Variants in CRYBG1 observed in about 807,000 individuals in gnomAD.
The protein encoded by CRYBG1 is crystallin beta-gamma domain containing 1.
CRYBG1 carries 139 observed loss-of-function variants against 189.2 expected under a neutral mutation model. The ratio of observed to expected loss-of-function variants is 0.73; its 90% confidence interval spans 0.64 to 0.85. The LOEUF (loss-of-function observed/expected upper bound fraction) is 0.85, where lower values mean the gene tolerates loss of function less well. CRYBG1 is among the 40% of genes least tolerant of loss of function. The pLI is 0.00. For synonymous variants in CRYBG1, 1,023 were observed against 1,017.1 expected, an observed-to-expected ratio of 1.01 and a Z score of -0.11; for missense variants, 2,611 against 2,675.8, an observed-to-expected ratio of 0.98 and a Z score of 0.53.
chr6:106,512,211 G>T lies in CRYBG1; in HGVS notation c.1094G>T (p.Arg365Leu). ...ASSAQADCTA[R>L]PKGHAHPAKV... is the part of the protein sequence containing the mutation. ...TCCGCGCAGGCAGACTGCACAGCCC[G>T]CCCCAAGGGTCACGCCCACCCTGCT... The change falls in exon 3 of 22, where the codon CGC becomes CTC. Residue 365 changes from arginine to leucine, a missense_variant. Coordinates refer to ENST00000633556, the MANE Select transcript of CRYBG1 (RefSeq NM_001371242.2). The T allele has an allele frequency of 2.6e-6, 4 of 1,536,314 alleles. No homozygotes were observed. The highest frequency in any genetic ancestry group is 2.4e-5 in the South Asian group (2 of 84,070).
At chr6:106,361,188 G>A in intron 1 of CRYBG1, 107 bp downstream of exon 1, 2 of 1,345,576 alleles carry the variant, frequency 1.5e-6, no homozygotes, top group Non-Finnish European at 2.0e-6. Flanking sequence ...GGAAAGCCCC[G>A]GGGTCTGTTT....
At position 106,530,314 on chromosome 6, in the gene CRYBG1, A is replaced by C; in HGVS notation, c.4717A>C (p.Thr1573Pro). The C allele has an allele frequency of 1.3e-6, 2 of 1,595,792 alleles. No homozygotes were observed. Among genetic ancestry groups the C allele is most frequent in the Non-Finnish European group, 1.7e-6 (2 of 1,173,000 alleles). The stretch of plus-strand genomic sequence containing the variant: ...TTGTTCCATGAAAGTACATTGGGGC[A>C]CGTAAGTATTTTTTTTTCAAACAAA... ...KTCSMKVHWG[T>P]WLIYEEPGFQ... is the part of the protein sequence containing the mutation. The change falls in exon 8 of 22, where the codon ACG becomes CCG. Residue 1573 changes from threonine to proline, a missense_variant and splice_region_variant. Coordinates refer to ENST00000633556, the MANE Select transcript of CRYBG1 (RefSeq NM_001371242.2).
intron 13 of CRYBG1, among the ~76,000 whole-genome samples, chr6:106,545,991 C>G (rs1774259593): frequency 1.3e-5 from 2 of 152,186 alleles, no homozygotes; most frequent in African/African-American, 4.8e-5. Flanking sequence ...CAGCTCATTT[C>G]TTGCAGTGGA....
At position 106,520,433 on chromosome 6, in the gene CRYBG1, G is replaced by A; in HGVS notation, c.3225G>A (p.Gln1075=). Residue 1075 remains glutamine, a synonymous_variant, in exon 4 of 22, where the codon CAG becomes CAA. Coordinates refer to ENST00000633556, the MANE Select transcript of CRYBG1 (RefSeq NM_001371242.2). ...NHLATPQRPD[Q]TVTNGQDSPA... ...TAGCCACTCCTCAAAGGCCAGATCAGACTGTTACAAATGGCCAGGATAGCC... is the reference window on the plus strand; with the variant it reads ...TAGCCACTCCTCAAAGGCCAGATCAAACTGTTACAAATGGCCAGGATAGCC... 1 of 1,614,172 alleles carries A rather than the reference G, an allele frequency of 6.2e-7. No homozygotes were observed. Among genetic ancestry groups the A allele is most frequent in the East Asian group, 2.2e-5 (1 of 44,892 alleles).
intron 1 of CRYBG1, among the ~76,000 whole-genome samples, chr6:106,449,663 T>C (rs1562310298): frequency 6.6e-6 from 1 of 152,196 alleles, no homozygotes; most frequent in Non-Finnish European, 1.5e-5. Context: ...AACTTTAAGG[T>C]ATTTTTCAGT....
chr6:106,537,422 G>A (rs542684655), intron 8 of CRYBG1, among the ~76,000 whole-genome samples: 1 of 152,282 alleles, frequency 6.6e-6, no homozygotes, highest in Admixed American at 6.5e-5. Context: ...TACTGTGCCT[G>A]TGATAGCTTT....
intron 1 of CRYBG1, among the ~76,000 whole-genome samples, chr6:106,439,934 C>CA (rs1562307704): frequency 6.6e-6 from 1 of 152,180 alleles, no homozygotes; most frequent in African/African-American, 2.4e-5. Flanking sequence ...TTTTGACCTA[C>CA]AAAAATGGTA....
chr6:106,558,964 A>AT (rs1412326917), intron 18 of CRYBG1, among the ~76,000 whole-genome samples: 1 of 151,720 alleles, frequency 6.6e-6, no homozygotes, highest in African/African-American at 2.4e-5. Flanking sequence ...CCCTATCTTA[A>AT]TTTAAAAAAA....
Position 106,520,070 on chromosome 6 carries a change from C to T in CRYBG1, c.2862C>T (p.Leu954=), listed in dbSNP as rs147933204. The part of the protein sequence containing the change: ...AVGSECPSRV[L]VQVRSFVLPV... Reference sequence around the variant, plus strand: ...GAAGTGAGTGTCCATCCAGAGTCCTCGTCCAGGTCAGGTCCTTCGTGCTCC... The same window carrying T: ...GAAGTGAGTGTCCATCCAGAGTCCTTGTCCAGGTCAGGTCCTTCGTGCTCC... Residue 954 remains leucine (L), a synonymous_variant, in exon 4 of 22, where the codon CTC becomes CTT. Coordinates refer to ENST00000633556, the MANE Select transcript of CRYBG1 (RefSeq NM_001371242.2). 2.9e-5 allele frequency: 47 copies of T among 1,614,166 alleles called. No individual in the cohort carries two copies. Among genetic ancestry groups the T allele is most frequent in the Middle Eastern group, 1.6e-4 (1 of 6,062 alleles).
At chr6:106,382,666 G>A (rs2114321520) in intron 1 of CRYBG1, among the ~76,000 whole-genome samples, 1 of 152,212 alleles carries the variant, frequency 6.6e-6, no homozygotes, top group East Asian at 1.9e-4. Context: ...GGAAAAGAAT[G>A]TAATCTCTGT....
At chr6:106,370,466 G>C (rs1332479832) in intron 1 of CRYBG1, among the ~76,000 whole-genome samples, 1 of 152,156 alleles carries the variant, frequency 6.6e-6, no homozygotes, top group African/African-American at 2.4e-5. Context: ...CTAACTTTAG[G>C]CCTCTAGAAG....
Position 106,525,498 on chromosome 6 carries a change from C to T in CRYBG1, c.4412+112C>T, listed in dbSNP as rs59212328. ...ATTATGGCTTTAGCAATGAAAAGCA[C>T]AGGAAATACTACTCGTGGTAAGATA... On this transcript the variant is annotated intron_variant, in intron 6 of 21. Coordinates refer to ENST00000633556, the MANE Select transcript of CRYBG1 (RefSeq NM_001371242.2). 618 of 798,002 alleles carry T rather than the reference C, an allele frequency of 7.7e-4. 5 individuals are homozygous for T. In the African/African-American group the frequency reaches 9.8e-3, roughly 13 times the overall value. The allele number at this position is 798,002 out of a possible 1,614,324, so 49.4% of individuals were successfully genotyped here.
At chr6:106,515,760 T>A (rs893159496) in intron 3 of CRYBG1, among the ~76,000 whole-genome samples, 2 of 61,184 alleles carry the variant, frequency 3.3e-5, no homozygotes, top group Non-Finnish European at 7.3e-5. Context: ...AGATCAAATT[T>A]ATTTATTTAT....
chr6:106,486,663 A>G (rs1466897304), intron 2 of CRYBG1, among the ~76,000 whole-genome samples: 3 of 152,130 alleles, frequency 2.0e-5, no homozygotes, highest in Non-Finnish European at 4.4e-5. Context: ...CAGTCCCTTT[A>G]TCATTATATA....
intron 1 of CRYBG1, among the ~76,000 whole-genome samples, chr6:106,403,238 G>T (rs770594606): frequency 9.2e-5 from 14 of 152,188 alleles, no homozygotes; most frequent in Non-Finnish European, 1.8e-4. Flanking sequence ...TCAGGAGGCT[G>T]AGGTGGGAGG....
chr6:106,552,308 G>A lies in CRYBG1; in HGVS notation c.5472+92G>A, dbSNP rs75473246. On this transcript the variant is annotated intron_variant, in intron 15 of 21. Coordinates refer to ENST00000633556, the MANE Select transcript of CRYBG1 (RefSeq NM_001371242.2). ...TTTCAAATGTCAGACATTTGGGGCC[G>A]GGTGTGGTGGCTCACGCCTGTAATC... is the stretch of plus-strand genomic sequence containing the variant. 0.026 allele frequency: 24,870 copies of A among 944,618 alleles called. 1,147 individuals are homozygous for A. The highest frequency in any genetic ancestry group is 0.18 in the East Asian group (5,869 of 33,456). 58.5% of individuals were successfully genotyped at this position (944,618 alleles called of 1,614,324 possible).
chr6:106,450,809 C>T lies in CRYBG1; in HGVS notation c.174-885C>T, dbSNP rs529142954. The stretch of plus-strand genomic sequence containing the variant: ...TCTTCTTGTAGAAGACCTTTTCCCC[C>T]ATTTCTTCAGCAGACGCCTCTCACA... On this transcript the variant is annotated intron_variant, in intron 1 of 21. Coordinates refer to ENST00000633556, the MANE Select transcript of CRYBG1 (RefSeq NM_001371242.2). 2.0e-5 allele frequency among the ~76,000 whole-genome samples: 3 copies of T among 152,292 alleles called. No individual in the cohort carries two copies. In the East Asian group the frequency reaches 5.8e-4, roughly 29 times the overall value.
At chr6:106,506,190 C>T (rs1773128877) in intron 2 of CRYBG1, among the ~76,000 whole-genome samples, 2 of 152,126 alleles carry the variant, frequency 1.3e-5, no homozygotes, top group African/African-American at 4.8e-5. Flanking sequence ...CTAGTTGTCT[C>T]CAAGAGCATT....
intron 1 of CRYBG1, among the ~76,000 whole-genome samples, chr6:106,442,767 C>G (rs1212579375): frequency 6.6e-6 from 1 of 152,078 alleles, no homozygotes; most frequent in African/African-American, 2.4e-5. Context: ...GACTCATACC[C>G]AGGAGCCCCT....
Sources: allele counts gnomAD v4.1 joint callset (sites outside exome capture counted in the v4.1 genomes callset), GRCh38; gene constraint gnomAD v4.1.1; transcripts MANE v1.5; gene names NCBI Gene and HGNC (gene_info 2026-07-23, HGNC 2026-07-21).